TPRG1: variants seen among roughly 807,000 people sequenced by gnomAD.
The protein encoded by TPRG1 is tumor protein p63-regulated gene 1 protein.
Under a neutral mutation model 29.3 loss-of-function variants are expected in TPRG1, and 29 were observed. The ratio of observed to expected loss-of-function variants is 0.99; its 90% CI spans 0.74 to 1.35. The LOEUF (loss-of-function observed/expected upper bound fraction) is 1.35, where lower values mean the gene tolerates loss of function less well. TPRG1 is among the 40% of genes most tolerant of loss of function. The pLI is 0.00. For missense variants in TPRG1, 327 were observed against 335.0 expected (o/e 0.98, Z 0.19); for synonymous variants, 130 against 116.8 (o/e 1.11, Z -0.73).
chr3:189,318,775 G>A (rs1430209779), intron 5 of TPRG1, among the ~76,000 whole-genome samples: 1 of 152,072 alleles, frequency 6.6e-6, no homozygotes, highest in Non-Finnish European at 1.5e-5. Context: ...CACCCAATCT[G>A]TGAAGAGATC....
intron 4 of TPRG1, among the ~76,000 whole-genome samples, chr3:189,250,190 A>G (rs1403654102): frequency 1.3e-5 from 2 of 152,168 alleles, no homozygotes; most frequent in African/African-American, 2.4e-5. Flanking sequence ...AGCCTGTGCC[A>G]GCAGCTGGCA....
intron 5 of TPRG1, among the ~76,000 whole-genome samples, chr3:189,314,395 G>A (rs574092741): frequency 7.2e-5 from 11 of 152,210 alleles, no homozygotes; most frequent in Admixed American, 1.3e-4. Context: ...ATATAATTAC[G>A]TTCAAGTTAA....
chr3:189,018,421 A>G (rs1713082599), intron 3 of TPRG1, among the ~76,000 whole-genome samples: 1 of 146,870 alleles, frequency 6.8e-6, no homozygotes, highest in African/African-American at 2.5e-5. Flanking sequence ...GGTGTAAGGA[A>G]GGAATCCAGT....
At chr3:189,283,444 AGATTTTCTCTAATAT>A (rs1717495946) in intron 4 of TPRG1, among the ~76,000 whole-genome samples, 2 of 152,352 alleles carry the variant, frequency 1.3e-5, no homozygotes, top group East Asian at 3.9e-4. Context: ...GAAACAAACA[AGATTTTCTCTAATAT>A]GATTTGTTGG....
At chr3:189,205,505 G>A (rs1734189444) in intron 1 of TPRG1, among the ~76,000 whole-genome samples, 1 of 152,136 alleles carries the variant, frequency 6.6e-6, no homozygotes, top group African/African-American at 2.4e-5. Flanking sequence ...CTTGTGAATA[G>A]CCTAGTTAAT....
intron 1 of TPRG1, among the ~76,000 whole-genome samples, chr3:189,118,707 C>A (rs1721470593): frequency 2.0e-5 from 3 of 152,204 alleles, no homozygotes; most frequent in Admixed American, 6.5e-5. Flanking sequence ...AACCCCAAGC[C>A]CCAAGCCTTG....
At chr3:189,015,068 A>G (rs1330627792) in intron 3 of TPRG1, among the ~76,000 whole-genome samples, 1 of 152,172 alleles carries the variant, frequency 6.6e-6, no homozygotes, top group Non-Finnish European at 1.5e-5. Flanking sequence ...TTTTTGAATA[A>G]TTTTGACCAA....
intron 3 of TPRG1, chr3:189,219,612 T>C (rs1736635207): frequency 4.7e-6 from 6 of 1,289,338 alleles, no homozygotes; most frequent in Non-Finnish European, 5.1e-6. Context: ...CTTGACACTT[T>C]ATGGAATTTC....
At chr3:189,293,689 G>T (rs1270846389) in intron 4 of TPRG1, among the ~76,000 whole-genome samples, 1 of 152,160 alleles carries the variant, frequency 6.6e-6, no homozygotes, top group Admixed American at 6.5e-5. Flanking sequence ...TCCATCTAAA[G>T]ATTAAGATTC....
At chr3:189,014,755 T>C (rs1712832278) in intron 3 of TPRG1, among the ~76,000 whole-genome samples, 1 of 152,266 alleles carries the variant, frequency 6.6e-6, no homozygotes, top group Admixed American at 6.5e-5. Flanking sequence ...TGTTTCCCCT[T>C]TGCCTTCCAC....
At chr3:189,282,440 G>GA (rs1055751370) in intron 4 of TPRG1, among the ~76,000 whole-genome samples, 3 of 152,056 alleles carry the variant, frequency 2.0e-5, no homozygotes, top group African/African-American at 4.8e-5. Context: ...GAGAGTGGGG[G>GA]AGAGGGTATT....
intron 3 of TPRG1, chr3:189,217,780 A>G (rs1736293104): frequency 1.0e-6 from 1 of 969,040 alleles, no homozygotes; most frequent in South Asian, 4.8e-5. Flanking sequence ...AAGCAGAAAA[A>G]TAAGAAAAAA....
intron 1 of TPRG1, among the ~76,000 whole-genome samples, chr3:189,186,056 C>G (rs961828195): frequency 6.6e-6 from 1 of 152,086 alleles, no homozygotes; most frequent in Non-Finnish European, 1.5e-5. Flanking sequence ...AATGCTTCTA[C>G]TAGGCTCTAA....
intron 4 of TPRG1, among the ~76,000 whole-genome samples, chr3:189,298,738 G>A (rs1720349390): frequency 6.6e-6 from 1 of 152,208 alleles, no homozygotes; most frequent in Non-Finnish European, 1.5e-5. Context: ...GTGTGTGGAA[G>A]TTTGCTTTGT....
chr3:189,018,954 G>C (rs2152124102), intron 3 of TPRG1, among the ~76,000 whole-genome samples: 1 of 152,168 alleles, frequency 6.6e-6, no homozygotes, highest in East Asian at 1.9e-4. Context: ...CACATCCCTT[G>C]TAAGTTGGAT....
chr3:189,233,208 G>C (rs935401293), intron 3 of TPRG1, among the ~76,000 whole-genome samples: 24 of 152,068 alleles, frequency 1.6e-4, no homozygotes, highest in African/African-American at 5.8e-4. Context: ...TTGTGTGCAA[G>C]AGAGGGAGAC....
chr3:189,169,561 T>G (rs1728566743), upstream of TPRG1, among the ~76,000 whole-genome samples: 1 of 152,254 alleles, frequency 6.6e-6, no homozygotes, highest in African/African-American at 2.4e-5. Context: ...GCTTCCCTGC[T>G]CCTTGGCTGT....
rs78023758 is a variant in TPRG1, at chr3:189,144,104, G to T, written c.-290-3480G>T. 2.3e-3 allele frequency among the ~76,000 whole-genome samples: 356 copies of T among 152,258 alleles called. 6 individuals are homozygous for T. In the East Asian group the frequency reaches 0.026, roughly 11 times the overall value. On this transcript the variant is annotated intron_variant, in intron 3 of 6. Transcript: ENST00000412373. ...GATTTTAAAACTTTGAGTTATCTCT[G>T]TTAAGAGTATACATATTCTCATTAT...
chr3:189,149,201 G>A (rs766347263), intron 4 of TPRG1, among the ~76,000 whole-genome samples: 2 of 152,068 alleles, frequency 1.3e-5, no homozygotes, highest in Non-Finnish European at 2.9e-5. Context: ...TATTGCTAAC[G>A]GACACGTGTA....
Sources: gnomAD v4.1 joint callset for allele counts (sites outside exome capture counted in the v4.1 genomes callset) on GRCh38, gnomAD v4.1.1 for gene constraint, MANE v1.5 for transcripts, NCBI Gene and HGNC (gene_info 2026-07-23, HGNC 2026-07-21) for gene names.